Variants in GALNT13 observed in about 807,000 individuals in gnomAD.
GALNT13 encodes the protein polypeptide N-acetylgalactosaminyltransferase 13, also known as UDP-GalNAc:polypeptide N-acetylgalactosaminyltransferase 13.
A neutral mutation model predicts 64.2 loss-of-function variants in GALNT13; 28 were observed. The ratio of observed to expected loss-of-function variants is 0.44; its 90% CI spans 0.32 to 0.60. The LOEUF (loss-of-function observed/expected upper bound fraction) is 0.60, where lower values mean the gene tolerates loss of function less well. Ranked by LOEUF, GALNT13 falls within the 20% of genes least tolerant of loss-of-function variation. The probability of loss-of-function intolerance (pLI) is 0.05; values close to 1 mark genes in which losing one functional copy is unlikely to be tolerated. For synonymous variants in GALNT13, 214 were observed against 224.6 expected (o/e 0.95, Z 0.42); for missense variants, 577 against 669.8 (o/e 0.86, Z 1.53).
the GALNT13 span, among the ~76,000 whole-genome samples, chr2:153,265,159 C>T: frequency 1.3e-5 from 2 of 152,168 alleles, no homozygotes; most frequent in South Asian, 4.1e-4. Flanking sequence ...GTGATGCAAG[C>T]ACTCCCTTGG....
intron 3 of GALNT13, among the ~76,000 whole-genome samples, chr2:154,013,993 G>T (rs1696824651): frequency 6.6e-6 from 1 of 152,212 alleles, no homozygotes; most frequent in Admixed American, 6.5e-5. Context: ...TTAGGCATTT[G>T]ATGCTGCATT....
chr2:154,422,911 AT>A lies in GALNT13; in HGVS notation c.1395+13837del, dbSNP rs1168358556. On this transcript the variant is annotated intron_variant, in intron 11 of 12. Transcript: ENST00000392825. The stretch of plus-strand genomic sequence containing the variant: ...ACCAAGTGACCCGTGAGGTGGACTT[AT>A]TTTTTTTATTATTATTATACTTTAA... Among the ~76,000 whole-genome samples, 23 of 151,878 alleles carry A rather than the reference AT, an allele frequency of 1.5e-4. No homozygotes were observed. The South Asian group carries it at 3.9e-3, about 26-fold the overall frequency.
At chr2:154,210,102 T>C (rs1687682124) in intron 4 of GALNT13, among the ~76,000 whole-genome samples, 1 of 152,230 alleles carries the variant, frequency 6.6e-6, no homozygotes, top group South Asian at 2.1e-4. Flanking sequence ...TTTGTCTTTC[T>C]GTGGCTTGCT....
At chr2:153,720,750 A>G in the GALNT13 span, among the ~76,000 whole-genome samples, 2 of 149,450 alleles carry the variant, frequency 1.3e-5, no homozygotes, top group Non-Finnish European at 3.0e-5. Flanking sequence ...GCGAGAAGGG[A>G]AGTTTAGAGA....
chr2:153,727,548 G>GT, the GALNT13 span, among the ~76,000 whole-genome samples: 1 of 152,106 alleles, frequency 6.6e-6, no homozygotes, highest in East Asian at 1.9e-4. Context: ...AAAGAGTCTT[G>GT]TAAAGTGACT....
chr2:153,481,804 T>C, the GALNT13 span, among the ~76,000 whole-genome samples: 125,396 of 152,150 alleles, frequency 0.82, 52,651 homozygotes, highest in African/African-American at 0.92. Flanking sequence ...TAGGACCAGA[T>C]ACTCAATGCC....
chr2:153,792,090 A>G, the GALNT13 span, among the ~76,000 whole-genome samples: 2 of 152,148 alleles, frequency 1.3e-5, no homozygotes, highest in Non-Finnish European at 2.9e-5. Context: ...GAAAAAAAAT[A>G]AATATTGTTT....
chr2:153,755,396 C>T, the GALNT13 span, among the ~76,000 whole-genome samples: 1 of 151,926 alleles, frequency 6.6e-6, no homozygotes, highest in Non-Finnish European at 1.5e-5. Context: ...CCCATTTGCC[C>T]ACATCCTGGC....
At chr2:154,329,382 C>CT (rs1553515888) in intron 9 of GALNT13, among the ~76,000 whole-genome samples, 1 of 152,178 alleles carries the variant, frequency 6.6e-6, no homozygotes, top group Non-Finnish European at 1.5e-5. Flanking sequence ...GGATTACAGG[C>CT]GTAAGCCACC....
chr2:154,031,355 A>T (rs1171662772), intron 3 of GALNT13, among the ~76,000 whole-genome samples: 2 of 152,054 alleles, frequency 1.3e-5, no homozygotes, highest in Admixed American at 6.6e-5. Flanking sequence ...AATAAACAAC[A>T]TATGGAACAA....
the GALNT13 span, among the ~76,000 whole-genome samples, chr2:153,554,691 C>T: frequency 1.2e-4 from 15 of 129,412 alleles, no homozygotes; most frequent in East Asian, 2.0e-4. Flanking sequence ...TGTCTGTGTA[C>T]GCGCACATAA....
the GALNT13 span, among the ~76,000 whole-genome samples, chr2:153,114,057 T>C: frequency 2.6e-5 from 4 of 152,148 alleles, no homozygotes; most frequent in African/African-American, 7.2e-5. Flanking sequence ...TCCCTAGGGC[T>C]ACACTGCTTG....
chr2:153,944,750 C>G, intron 3 of GALNT13, 111 bp downstream of exon 3: 1 of 866,000 alleles, frequency 1.2e-6, no homozygotes, highest in Admixed American at 2.4e-5. Flanking sequence ...GTTAGAAGAG[C>G]ATTTTGGCAG....
chr2:153,545,820 A>C, the GALNT13 span, among the ~76,000 whole-genome samples: 1 of 152,184 alleles, frequency 6.6e-6, no homozygotes, highest in Admixed American at 6.5e-5. Context: ...CAGGCACCCA[A>C]CATGGAGGTT....
chr2:153,177,117 A>T, the GALNT13 span, among the ~76,000 whole-genome samples: 25 of 142,786 alleles, frequency 1.8e-4, no homozygotes, highest in Middle Eastern at 3.6e-3. Flanking sequence ...TTAATACAAT[A>T]AAATTACCTT....
the GALNT13 span, among the ~76,000 whole-genome samples, chr2:153,246,275 T>C: frequency 6.6e-6 from 1 of 151,996 alleles, no homozygotes; most frequent in African/African-American, 2.4e-5. Flanking sequence ...CAGGCCAAAA[T>C]TCAAATTCAG....
the GALNT13 span, among the ~76,000 whole-genome samples, chr2:153,665,830 G>A: frequency 1.3e-5 from 2 of 152,104 alleles, no homozygotes; most frequent in South Asian, 2.1e-4. Context: ...ATTGGAGTTG[G>A]CAAGGAGAAC....
At chr2:153,197,679 G>A in the GALNT13 span, among the ~76,000 whole-genome samples, 3,509 of 152,298 alleles carry the variant, frequency 0.023, 135 homozygotes, top group African/African-American at 0.08. Flanking sequence ...AAGGCAACGC[G>A]TGGGGAAACC....
the GALNT13 span, among the ~76,000 whole-genome samples, chr2:153,808,476 T>A: frequency 6.6e-6 from 1 of 152,142 alleles, no homozygotes; most frequent in Middle Eastern, 3.2e-3. Flanking sequence ...CTTTTTGCTG[T>A]CATCTAATCT....
Sources: allele counts gnomAD v4.1 joint callset (sites outside exome capture counted in the v4.1 genomes callset), GRCh38; gene constraint gnomAD v4.1.1; transcripts MANE v1.5; gene names NCBI Gene and HGNC (gene_info 2026-07-23, HGNC 2026-07-21).